The following RSPO4 variants were observed in gnomAD, a reference collection of about 807,000 sequenced individuals.
RSPO4 encodes the protein R-spondin 4, also known as R-spondin-4.
A neutral mutation model predicts 24.8 loss-of-function variants in RSPO4; 23 were observed. The observed-to-expected ratio is 0.93, with a 90% CI of 0.67 to 1.31. The LOEUF is 1.31. Among genes scored for constraint, RSPO4 ranks in the 40% most tolerant of loss-of-function variants. RSPO4 has a pLI of 0.00. For missense variants in RSPO4, 333 were observed against 316.5 expected (o/e 1.05, Z -0.39); for synonymous variants, 141 against 127.4 (o/e 1.11, Z -0.72).
chr20:1,002,192 C>T lies in RSPO4; in HGVS notation c.-28G>A. 6.7e-7 allele frequency: 1 copy of T among 1,497,398 alleles called. No individual in the cohort carries two copies. The highest frequency in any genetic ancestry group is 8.9e-7 in the Non-Finnish European group (1 of 1,123,052). 92.8% of individuals were successfully genotyped at this position (1,497,398 alleles called of 1,614,324 possible). A position where few individuals can be genotyped will look rare whatever the true frequency, so the allele number is the denominator to read the frequency against. On this transcript the variant is annotated 5_prime_UTR_variant, in exon 1 of 5. Transcript: ENST00000217260. The surrounding 1 kb of genome is among the most constrained non-coding windows in gnomAD (Gnocchi z 4.6). ...GGGCAGCCGGATCCGGGCTGGCGCT[C>T]CCCAGGCGGCCCGACGGCCCAAGGG...
chr20:995,234 C>G (rs6056487), intron 1 of RSPO4, among the ~76,000 whole-genome samples: 43,585 of 152,158 alleles, frequency 0.29, 10,831 homozygotes, highest in African/African-American at 0.66. Flanking sequence ...AAGTGCTACA[C>G]AAACAAGAAG....
intron 1 of RSPO4, 84 bp from the exon 2 acceptor site, chr20:968,222 A>C: frequency 7.0e-6 from 9 of 1,292,556 alleles, no homozygotes; most frequent in African/African-American, 1.5e-5. Flanking sequence ...AGATGGTCTC[A>C]TTGGGATAGT....
intron 4 of RSPO4, 96 bp from the exon 5 acceptor site, chr20:960,562 C>T: frequency 1.1e-6 from 1 of 873,386 alleles, no homozygotes; most frequent in South Asian, 1.4e-5. Flanking sequence ...GCCCCACCCA[C>T]TCCCCAACAA....
In RSPO4 at chr20:968,146, C is replaced by T. The variant is rs767222091; in HGVS notation, c.80-8G>A. ...CCCCCAGGCCAGTGCCCACTGCCCA[C>T]AAGACCAGGGCAGAAGGAGGGGGAA... On this transcript the variant is annotated splice_region_variant and splice_polypyrimidine_tract_variant and intron_variant, in intron 1 of 4. Coordinates refer to ENST00000217260, the MANE Select transcript of RSPO4 (RefSeq NM_001029871.4). The T allele has an allele frequency of 1.4e-5, 22 of 1,613,394 alleles. No individual in the cohort carries two copies. The highest frequency in any genetic ancestry group is 1.9e-5 in the Non-Finnish European group (22 of 1,179,538).
chr20:985,068 CACCAACCCATCT>C (rs1218827768), intron 1 of RSPO4, among the ~76,000 whole-genome samples: 30 of 116,820 alleles, frequency 2.6e-4, no homozygotes, highest in East Asian at 5.5e-4. Context: ...TCTATCCATC[CACCAACCCATCT>C]ATCCATCCAC....
At position 964,330 on chromosome 20, in the gene RSPO4, C is replaced by T. The variant is rs556216631; in HGVS notation, c.410-210G>A. Among the ~76,000 whole-genome samples the T allele has an allele frequency of 6.6e-5, 10 of 152,246 alleles. No individual in the cohort carries two copies. In the South Asian group the frequency reaches 8.3e-4, roughly 13 times the overall value. On this transcript the variant is annotated intron_variant, in intron 3 of 4. Coordinates refer to ENST00000217260, the MANE Select transcript of RSPO4 (RefSeq NM_001029871.4). ...GACTAATATGGGCCTGAAGCCAGAGCGGCCGACTGTCTAGCTTTAAAGGAA... is the reference window on the plus strand; with the variant it reads ...GACTAATATGGGCCTGAAGCCAGAGTGGCCGACTGTCTAGCTTTAAAGGAA...
At chr20:967,055 C>A in intron 3 of RSPO4, 119 bp downstream of exon 3, 1 of 992,818 alleles carries the variant, frequency 1.0e-6, no homozygotes, top group East Asian at 2.6e-5. Context: ...GGTGCTGGGC[C>A]TTCCCTCACC....
chr20:966,339 GTACTGAGCATC>G (rs975496483), intron 3 of RSPO4, among the ~76,000 whole-genome samples: 4 of 152,282 alleles, frequency 2.6e-5, no homozygotes, highest in African/African-American at 9.6e-5. Flanking sequence ...ATACTGACAC[GTACTGAGCATC>G]TACTGTGTGC....
chr20:989,013 T>C lies in RSPO4; in HGVS notation c.79+13073A>G, dbSNP rs530287224. Among the ~76,000 whole-genome samples the C allele has an allele frequency of 3.3e-5, 5 of 152,302 alleles. No individual in the cohort carries two copies. In the East Asian group the frequency reaches 9.7e-4, roughly 29 times the overall value. On this transcript the variant is annotated intron_variant, in intron 1 of 4. Coordinates refer to ENST00000217260, the MANE Select transcript of RSPO4 (RefSeq NM_001029871.4). ...CTCTTGACTTTTGCAGCTGCTGGGA[T>C]GAAGTACTTGTTCTGAGTTCCTCTA...
At chr20:995,998 C>T (rs1985270758) in intron 1 of RSPO4, among the ~76,000 whole-genome samples, 1 of 152,206 alleles carries the variant, frequency 6.6e-6, no homozygotes, top group African/African-American at 2.4e-5. Flanking sequence ...TAATAGTTTT[C>T]ACACTTGCAA....
Position 967,982 on chromosome 20 carries a change from C to A in RSPO4, c.236G>T (p.Gly79Val). Residue 79 changes from glycine (G) to valine (V), a missense_variant, in exon 2 of 5, where the codon GGC becomes GTC. Coordinates refer to ENST00000217260, the MANE Select transcript of RSPO4 (RefSeq NM_001029871.4). ...CLHDCPPGYF[G>V]IRGQEVNRCK... ...CCTGTTGACCTCCTGGCCGCGGATG[C>A]CGAAGTACCCAGGGGGACAGTCGTG... 1 of 1,614,254 alleles carries A rather than the reference C, an allele frequency of 6.2e-7. No homozygotes were observed. Among genetic ancestry groups the A allele is most frequent in the Non-Finnish European group, 8.5e-7 (1 of 1,180,044 alleles).
Position 967,161 on chromosome 20 carries a change from G to A in RSPO4, c.409+13C>T, listed in dbSNP as rs1204673780. 1.7e-5 allele frequency: 27 copies of A among 1,611,994 alleles called. No individual in the cohort carries two copies. The highest frequency in any genetic ancestry group is 2.2e-5 in the Non-Finnish European group (26 of 1,179,366). On this transcript the variant is annotated intron_variant, in intron 3 of 4. Coordinates refer to ENST00000217260, the MANE Select transcript of RSPO4 (RefSeq NM_001029871.4). ...GGGAGGGGCAGGGGCAGGGCGGGGA[G>A]GTCCCCACTCACCCTGGCACTCCCG...
chr20:996,121 G>A (rs1985276971), intron 1 of RSPO4, among the ~76,000 whole-genome samples: 1 of 151,926 alleles, frequency 6.6e-6, no homozygotes, highest in Admixed American at 6.5e-5. Context: ...ATGACAGATT[G>A]TATGTGGTTT....
intron 1 of RSPO4, among the ~76,000 whole-genome samples, chr20:999,818 T>A (rs778179553): frequency 3.3e-5 from 5 of 152,064 alleles, no homozygotes; most frequent in African/African-American, 4.8e-5. Context: ...AATTTTTTTG[T>A]CTTTTTTGAG....
chr20:966,656 G>C (rs1423570893), intron 3 of RSPO4, among the ~76,000 whole-genome samples: 2 of 152,002 alleles, frequency 1.3e-5, no homozygotes, highest in Admixed American at 6.5e-5. Flanking sequence ...TGAGCCCAGG[G>C]GCAGCCTGGG....
At chr20:979,982 A>G (rs1020316808) in intron 1 of RSPO4, among the ~76,000 whole-genome samples, 1 of 152,182 alleles carries the variant, frequency 6.6e-6, no homozygotes, top group Non-Finnish European at 1.5e-5. Context: ...GAAGGCAGGG[A>G]TGAGCCACGG....
intron 1 of RSPO4, among the ~76,000 whole-genome samples, chr20:979,159 C>A (rs755718081): frequency 6.6e-6 from 1 of 152,138 alleles, no homozygotes; most frequent in Non-Finnish European, 1.5e-5. Flanking sequence ...CTCCACCTTT[C>A]CTGTCCCTAC....
At chr20:965,108 C>G (rs1421831220) in intron 3 of RSPO4, among the ~76,000 whole-genome samples, 1 of 152,112 alleles carries the variant, frequency 6.6e-6, no homozygotes, top group Non-Finnish European at 1.5e-5. Flanking sequence ...CAGCAGCAGA[C>G]AAGACAGCCC....
intron 2 of RSPO4, 105 bp downstream of exon 2, chr20:967,845 A>G: frequency 8.6e-7 from 1 of 1,165,566 alleles, no homozygotes; most frequent in South Asian, 1.2e-5. Flanking sequence ...GGGCTTAGAC[A>G]TGCACCTACT....
Sources: gnomAD v4.1 joint callset for allele counts (sites outside exome capture counted in the v4.1 genomes callset) on GRCh38, gnomAD v4.1.1 for gene constraint, Gnocchi (gnomAD v3.1) non-coding constraint, MANE v1.5 for transcripts, NCBI Gene and HGNC (gene_info 2026-07-23, HGNC 2026-07-21) for gene names.